Variants in SATB1 observed in about 807,000 individuals in gnomAD.
The protein encoded by SATB1 is SATB homeobox 1.
In SATB1, 11 loss-of-function variants were observed where a neutral mutation model predicts 86.9. The ratio of observed to expected loss-of-function variants is 0.13; its 90% CI spans 0.08 to 0.21. SATB1 has a LOEUF of 0.21. Ranked by LOEUF, SATB1 falls within the 10% of genes least tolerant of loss-of-function variation. The pLI, the probability that SATB1 is intolerant of heterozygous loss-of-function variation, is 1.00. For missense variants in SATB1, 551 were observed against 937.6 expected (o/e 0.59, Z 5.39); for synonymous variants, 357 against 357.2 (o/e 1.00, Z 0.01).
At chr3:18,442,913 A>G (rs1475015985), upstream of SATB1, among the ~76,000 whole-genome samples, 2 of 152,236 alleles carry the variant, frequency 1.3e-5, no homozygotes, top group Non-Finnish European at 2.9e-5. Flanking sequence ...TACTGTTCTA[A>G]GAAAATAATA....
rs1456954116 is a variant in SATB1, at chr3:18,348,213, ATTAG to A, written c.*953_*956del. 1.3e-5 allele frequency: 2 copies of A among 152,662 alleles called. No homozygotes were observed. The allele number at this position is 152,662 out of a possible 1,614,324, so 9.5% of individuals were successfully genotyped here. On this transcript the variant is annotated 3_prime_UTR_variant, in exon 11 of 11. Coordinates refer to ENST00000338745, the MANE Select transcript of SATB1 (RefSeq NM_002971.6). ...ATTGCATAATTTTCTAAGGTGATCT[ATTAG>A]TTTTATTTACCTAAGCTTATTTGCA... is the stretch of plus-strand genomic sequence containing the variant.
At chr3:18,410,406 C>A (rs948777321) in intron 5 of SATB1, among the ~76,000 whole-genome samples, 3 of 151,982 alleles carry the variant, frequency 2.0e-5, no homozygotes, top group African/African-American at 7.2e-5. Context: ...TGAAGTCTCA[C>A]CCTTGTGCTT....
chr3:18,360,629 A>G (rs1165329254), intron 9 of SATB1, among the ~76,000 whole-genome samples: 1 of 151,962 alleles, frequency 6.6e-6, no homozygotes, highest in South Asian at 2.1e-4. Flanking sequence ...GCATTTATCT[A>G]TGTGAACTTG....
At chr3:18,356,521 T>C (rs1694650286) in intron 9 of SATB1, among the ~76,000 whole-genome samples, 1 of 151,856 alleles carries the variant, frequency 6.6e-6, no homozygotes, top group Admixed American at 6.6e-5. Flanking sequence ...CAATTTATTA[T>C]GGTCCATGAA....
rs566903449 is a variant in SATB1 at position 18,431,034 on chromosome 3, T to C, written c.-25+5755A>G. Among the ~76,000 whole-genome samples, 25 of 152,288 alleles carry C rather than the reference T, an allele frequency of 1.6e-4. 1 individual carries two copies. The highest frequency in any genetic ancestry group is 2.1e-4 in the South Asian group (1 of 4,830). ...TGGGAACTTCATTGGAAAAAAATCT[T>C]TTAGCTACCTTTCCTTCCATGGATG... On this transcript the variant is annotated intron_variant, in intron 2 of 3. Coordinates refer to the SATB1 transcript ENST00000414509.
intron 10 of SATB1, chr3:18,351,296 T>TA: frequency 1.3e-6 from 2 of 1,536,484 alleles, no homozygotes; most frequent in Non-Finnish European, 1.7e-6. Flanking sequence ...GTGGCATAGG[T>TA]AACTGTGCCC....
In SATB1 at chr3:18,349,836, C is replaced by A; in HGVS notation, c.1780-154G>T. 1 of 1,332,350 alleles carries A rather than the reference C, an allele frequency of 7.5e-7. No homozygotes were observed. Among genetic ancestry groups the A allele is most frequent in the South Asian group, 1.6e-5 (1 of 61,396 alleles). The allele number at this position is 1,332,350 out of a possible 1,614,324, so 82.5% of individuals were successfully genotyped here. Reference sequence around the variant, plus strand: ...AGAAAAGGTAGGCCGGCGAAATGGCCGACAGCATTTACAAAAAAATCAAAA... The same window carrying A: ...AGAAAAGGTAGGCCGGCGAAATGGCAGACAGCATTTACAAAAAAATCAAAA... On this transcript the variant is annotated intron_variant, in intron 10 of 10. Transcript: ENST00000338745. This position sits in a 1 kb window ranked among gnomAD's most constrained non-coding sequence, Gnocchi z 5.5.
chr3:18,427,173 A>C (rs1698734066), upstream of SATB1, among the ~76,000 whole-genome samples: 1 of 152,224 alleles, frequency 6.6e-6, no homozygotes, highest in Non-Finnish European at 1.5e-5. Context: ...GGAAATCTGA[A>C]GGAAGATATG....
chr3:18,415,296 C>A, intron 4 of SATB1, 62 bp from the exon 5 acceptor site: 1 of 1,585,970 alleles, frequency 6.3e-7, no homozygotes, highest in South Asian at 1.1e-5. Flanking sequence ...GCAGAACATT[C>A]CTTTAAGACA....
intron 5 of SATB1, among the ~76,000 whole-genome samples, chr3:18,400,676 G>C (rs1190770946): frequency 6.6e-6 from 1 of 152,134 alleles, no homozygotes; most frequent in Non-Finnish European, 1.5e-5. Context: ...ATTACATATA[G>C]ACTGAAGAGA....
rs776085561 is a variant in SATB1 at position 18,349,635 on chromosome 3, C to T, written c.1827G>A (p.Pro609=). The T allele has an allele frequency of 1.5e-5, 24 of 1,612,280 alleles. No homozygotes were observed. Among genetic ancestry groups the T allele is most frequent in the East Asian group, 1.3e-4 (6 of 44,872 alleles). The change falls in exon 11 of 11, where the codon CCG becomes CCA. Residue 609 remains proline (P), a synonymous_variant. Coordinates refer to ENST00000338745, the MANE Select transcript of SATB1 (RefSeq NM_002971.6). The surrounding 1 kb of genome is among the most constrained non-coding windows in gnomAD (Gnocchi z 5.5). ...QQQQQQQQQA[P]PPPQPQQQPQ... The stretch of plus-strand genomic sequence containing the variant: ...GCTGCTGCTGTGGCTGTGGAGGCGG[C>T]GGTGCCTGCTGCTGCTGCTGCTGCT...
chr3:18,377,689 TAATA>T lies in SATB1; in HGVS notation c.1575+477_1575+480del, dbSNP rs1695832865. The stretch of plus-strand genomic sequence containing the variant: ...GTCAGTTTGTCTTAATAAGTGTATT[TAATA>T]GTTGCAGCCAGCTGAGTTGAGAGGC... On this transcript the variant is annotated intron_variant, in intron 9 of 10. Coordinates refer to ENST00000338745, the MANE Select transcript of SATB1 (RefSeq NM_002971.6). Among the ~76,000 whole-genome samples the T allele has an allele frequency of 2.0e-5, 3 of 152,150 alleles. No individual in the cohort carries two copies. The South Asian group carries it at 6.2e-4, about 32-fold the overall frequency.
At chr3:18,363,711 C>T (rs1328413403) in intron 9 of SATB1, among the ~76,000 whole-genome samples, 1 of 152,132 alleles carries the variant, frequency 6.6e-6, no homozygotes, top group Admixed American at 6.5e-5. Context: ...TCATTCTATC[C>T]TCCTACAAAG....
chr3:18,395,536 C>A (rs188776414), intron 6 of SATB1, among the ~76,000 whole-genome samples: 3 of 152,054 alleles, frequency 2.0e-5, no homozygotes, highest in Non-Finnish European at 4.4e-5. Context: ...ATCTTATATG[C>A]CTTGCTTCAT....
intron 1 of SATB1, chr3:18,438,478 C>G (rs1292179116): frequency 1.3e-5 from 2 of 152,190 alleles, no homozygotes; most frequent in African/African-American, 4.8e-5. Context: ...AGAAAGCCCT[C>G]CCCCGAACAC....
At chr3:18,428,552 C>A (rs1698786236), upstream of SATB1, among the ~76,000 whole-genome samples, 1 of 152,122 alleles carries the variant, frequency 6.6e-6, no homozygotes, top group South Asian at 2.1e-4. Context: ...GAAAAAACTT[C>A]AATACAGGGA....
At chr3:18,435,882 A>C (rs1699041185) in intron 2 of SATB1, among the ~76,000 whole-genome samples, 1 of 152,204 alleles carries the variant, frequency 6.6e-6, no homozygotes. Flanking sequence ...TTAAAGAGAC[A>C]GAATGTGCAT....
intron 2 of SATB1, among the ~76,000 whole-genome samples, chr3:18,436,183 A>C (rs1446494078): frequency 6.6e-6 from 1 of 152,226 alleles, no homozygotes. Flanking sequence ...AATGTATTTA[A>C]GCTGCAATGA....
chr3:18,352,261 G>T lies in SATB1; in HGVS notation c.1576-66C>A. The T allele has an allele frequency of 7.1e-7, 1 of 1,401,462 alleles. No individual in the cohort carries two copies. Among genetic ancestry groups the T allele is most frequent in the African/African-American group, 1.4e-5 (1 of 70,248 alleles). The allele number at this position is 1,401,462 out of a possible 1,614,324, so 86.8% of individuals were successfully genotyped here. A position where few individuals can be genotyped will look rare whatever the true frequency, so the allele number is the denominator to read the frequency against. On this transcript the variant is annotated intron_variant, in intron 9 of 10. Coordinates refer to ENST00000338745, the MANE Select transcript of SATB1 (RefSeq NM_002971.6). The surrounding 1 kb of genome is among the most constrained non-coding windows in gnomAD (Gnocchi z 4.1). ...GAGGGGCTGGCATTTTCCATTAGGA[G>T]CTAAAAAGGAAAAACCCTATGAATT...
Sources: gnomAD v4.1 joint callset for allele counts (sites outside exome capture counted in the v4.1 genomes callset) on GRCh38, gnomAD v4.1.1 for gene constraint, Gnocchi (gnomAD v3.1) non-coding constraint, MANE v1.5 for transcripts, NCBI Gene and HGNC (gene_info 2026-07-23, HGNC 2026-07-21) for gene names.